Variants in GRIP2 observed in about 807,000 individuals in gnomAD.
GRIP2 encodes the protein glutamate receptor-interacting protein 2.
A neutral mutation model predicts 108.3 loss-of-function variants in GRIP2; 58 were observed. The observed-to-expected ratio is 0.54, with a 90% CI of 0.43 to 0.67. The LOEUF is 0.67. Ranked by LOEUF, GRIP2 falls within the 30% of genes least tolerant of loss-of-function variation. The pLI is 0.00. For missense variants in GRIP2, 1,278 were observed against 1,430.6 expected (o/e 0.89, Z 1.72); for synonymous variants, 586 against 598.2 (o/e 0.98, Z 0.30).
At chr3:14,576,017 G>C in the GRIP2 span, among the ~76,000 whole-genome samples, 1 of 152,246 alleles carries the variant, frequency 6.6e-6, no homozygotes, top group African/African-American at 2.4e-5. Context: ...GCCAGTGCTG[G>C]AAATGGGAGG....
intron 1 of GRIP2, among the ~76,000 whole-genome samples, chr3:14,533,243 G>A (rs953100513): frequency 6.6e-6 from 1 of 152,224 alleles, no homozygotes; most frequent in Non-Finnish European, 1.5e-5. Flanking sequence ...TCTATCAACT[G>A]TGTGACAGTG....
chr3:14,492,409 T>A lies in GRIP2; in HGVS notation c.*1256A>T, dbSNP rs1022724261. 3 of 152,266 alleles carry A rather than the reference T, an allele frequency of 2.0e-5. No homozygotes were observed. Among genetic ancestry groups the A allele is most frequent in the Admixed American group, 6.5e-5 (1 of 15,282 alleles). The allele number at this position is 152,266 out of a possible 1,614,324, so 9.4% of individuals were successfully genotyped here. On this transcript the variant is annotated 3_prime_UTR_variant, in exon 24 of 24. Coordinates refer to ENST00000621039, the MANE Select transcript of GRIP2 (RefSeq NM_001080423.4). The stretch of plus-strand genomic sequence containing the variant: ...CCGCCCACTCCATCCCAGGCACCAC[T>A]CACTAGACCACCAGGGGAGGCCCAC...
At chr3:14,582,988 A>G in the GRIP2 span, among the ~76,000 whole-genome samples, 2 of 152,198 alleles carry the variant, frequency 1.3e-5, no homozygotes, top group Non-Finnish European at 2.9e-5. Flanking sequence ...AAGTCTTAAC[A>G]ACAACCCTGT....
the GRIP2 span, among the ~76,000 whole-genome samples, chr3:14,571,515 A>G: frequency 6.6e-6 from 1 of 151,992 alleles, no homozygotes; most frequent in Non-Finnish European, 1.5e-5. Flanking sequence ...ACACCGGGGC[A>G]CAGACAAGAT....
chr3:14,515,901 G>C (rs939771482), intron 11 of GRIP2, among the ~76,000 whole-genome samples: 1 of 152,098 alleles, frequency 6.6e-6, no homozygotes, highest in Non-Finnish European at 1.5e-5. Flanking sequence ...AAAGTGTGGG[G>C]ATTACAGGCG....
At chr3:14,588,995 G>T in the GRIP2 span, among the ~76,000 whole-genome samples, 6 of 152,206 alleles carry the variant, frequency 3.9e-5, no homozygotes, top group Non-Finnish European at 8.8e-5. Flanking sequence ...CTGAGCAGAG[G>T]CCTGGGGCTG....
At position 14,540,323 on chromosome 3, in the gene GRIP2, C is replaced by G; in HGVS notation, c.-15G>C. The G allele has an allele frequency of 6.2e-7, 1 of 1,613,544 alleles. No individual in the cohort carries two copies. The highest frequency in any genetic ancestry group is 8.5e-7 in the Non-Finnish European group (1 of 1,179,712). On this transcript the variant is annotated 5_prime_UTR_variant, in exon 1 of 24. Coordinates refer to ENST00000621039, the MANE Select transcript of GRIP2 (RefSeq NM_001080423.4). The surrounding 1 kb of genome is among the most constrained non-coding windows in gnomAD (Gnocchi z 4.1). Reference sequence around the variant, plus strand: ...CCACACAGCATGTTCGCTATTGTCTCCCCTGCTGCCCACCAACTCCCTCGG... The same window carrying G: ...CCACACAGCATGTTCGCTATTGTCTGCCCTGCTGCCCACCAACTCCCTCGG...
At position 14,509,944 on chromosome 3, in the gene GRIP2, C is replaced by A; in HGVS notation, c.1954G>T (p.Ala652Ser). 1.3e-6 allele frequency: 2 copies of A among 1,527,238 alleles called. No homozygotes were observed. The highest frequency in any genetic ancestry group is 1.3e-5 in the South Asian group (1 of 77,274). 94.6% of individuals were successfully genotyped at this position (1,527,238 alleles called of 1,614,324 possible). The change falls in exon 17 of 24, where the codon GCC (alanine) becomes TCC (serine). Residue 652 changes from alanine to serine, a missense_variant. Ala to Ser is a moderately conservative substitution (Grantham distance 99). Transcript: ENST00000621039. ...DNSDELETTG[A>S]VSYTVELKRY... ...TTCAGCTCCACTGTGTAACTGACGGCACCTGTGGTCTCCAGCTCATCTGCA... is the reference window on the plus strand; with the variant it reads ...TTCAGCTCCACTGTGTAACTGACGGAACCTGTGGTCTCCAGCTCATCTGCA...
rs1694651485 is a variant in GRIP2 at position 14,529,364 on chromosome 3, C to A, written c.41-3433G>T. ...CAGGTAGTTTTAACAATCATTAACA[C>A]TTTGCAGTATTTAGCCCATTTATTT... On this transcript the variant is annotated intron_variant, in intron 1 of 23. Transcript: ENST00000621039. Among the ~76,000 whole-genome samples, 3 of 151,398 alleles carry A rather than the reference C, an allele frequency of 2.0e-5. No individual in the cohort carries two copies. The South Asian group carries it at 6.2e-4, about 31-fold the overall frequency.
rs1412121796 is a variant in GRIP2, at chr3:14,522,326, G to T, written c.567-539C>A. The T allele has an allele frequency of 6.5e-6, 1 of 153,018 alleles. No individual in the cohort carries two copies. Among genetic ancestry groups the T allele is most frequent in the Non-Finnish European group, 1.5e-5 (1 of 68,812 alleles). 9.5% of individuals were successfully genotyped at this position (153,018 alleles called of 1,614,324 possible). On this transcript the variant is annotated intron_variant, in intron 6 of 23. Transcript: ENST00000621039. The surrounding 1 kb of genome is among the most constrained non-coding windows in gnomAD (Gnocchi z 4.3). ...GGGCCAGGGGAGGGGCCCCAGCAGG[G>T]TTCACCTCGGTTTGGGTCGCATCCC...
At chr3:14,541,028 C>T (rs1185718352), upstream of GRIP2, among the ~76,000 whole-genome samples, 2 of 152,242 alleles carry the variant, frequency 1.3e-5, no homozygotes, top group Non-Finnish European at 2.9e-5. Flanking sequence ...ATAGGCAGGG[C>T]CAGTTGGTCA....
At chr3:14,601,150 G>A in the GRIP2 span, among the ~76,000 whole-genome samples, 2 of 151,978 alleles carry the variant, frequency 1.3e-5, no homozygotes, top group African/African-American at 2.4e-5. Flanking sequence ...TCCCTCTCAG[G>A]ACATTACAGC....
the GRIP2 span, chr3:14,572,776 C>G: frequency 1.6e-6 from 1 of 609,278 alleles, no homozygotes; most frequent in South Asian, 1.9e-5. Flanking sequence ...TCCTGGTAAG[C>G]CTGTGAGGCT....
chr3:14,586,621 G>GAAT, the GRIP2 span, among the ~76,000 whole-genome samples: 1 of 152,208 alleles, frequency 6.6e-6, no homozygotes, highest in Admixed American at 6.5e-5. Flanking sequence ...AGAACATGAG[G>GAAT]AATAGCCATA....
At chr3:14,510,637 C>T (rs758263910) in intron 16 of GRIP2, among the ~76,000 whole-genome samples, 4 of 152,144 alleles carry the variant, frequency 2.6e-5, no homozygotes, top group Non-Finnish European at 4.4e-5. Flanking sequence ...TTCACAGAGT[C>T]GGAGTTGGTG....
upstream of GRIP2, among the ~76,000 whole-genome samples, chr3:14,544,749 C>A (rs1489745795): frequency 6.6e-6 from 1 of 152,236 alleles, no homozygotes; most frequent in Non-Finnish European, 1.5e-5. Context: ...TCAGAACCTG[C>A]ATCTTGTTGT....
At position 14,540,241 on chromosome 3, in the gene GRIP2, C is replaced by T. The variant is rs1694933073; in HGVS notation, c.40+28G>A. On this transcript the variant is annotated intron_variant, in intron 1 of 23. Transcript: ENST00000621039. This position sits in a 1 kb window ranked among gnomAD's most constrained non-coding sequence, Gnocchi z 4.1. Reference sequence around the variant, plus strand: ...GGGATCTATGTGTTCAGCCCCATCACTCTGCCCACAGACCCCCCATTACGT... The same window carrying T: ...GGGATCTATGTGTTCAGCCCCATCATTCTGCCCACAGACCCCCCATTACGT... The T allele has an allele frequency of 6.2e-7, 1 of 1,612,176 alleles. No individual in the cohort carries two copies. The highest frequency in any genetic ancestry group is 8.5e-7 in the Non-Finnish European group (1 of 1,178,966).
At chr3:14,498,094 A>C (rs1196527203) in intron 21 of GRIP2, among the ~76,000 whole-genome samples, 1 of 152,184 alleles carries the variant, frequency 6.6e-6, no homozygotes, top group African/African-American at 2.4e-5. Flanking sequence ...CTATTAGTGC[A>C]TAGTTCTATC....
At chr3:14,527,418 G>GGAAAGGAAAGGAAAGAAGGAAA (rs1694590063) in intron 1 of GRIP2, among the ~76,000 whole-genome samples, 1 of 57,316 alleles carries the variant, frequency 1.7e-5, no homozygotes, top group Non-Finnish European at 5.0e-5. Context: ...AGGAAAGCGA[G>GGAAAGGAAAGGAAAGAAGGAAA]GGGAGGGGAG....
Sources: gnomAD v4.1 joint callset for allele counts (sites outside exome capture counted in the v4.1 genomes callset) on GRCh38, gnomAD v4.1.1 for gene constraint, Gnocchi (gnomAD v3.1) non-coding constraint, MANE v1.5 for transcripts, NCBI Gene and HGNC (gene_info 2026-07-23, HGNC 2026-07-21) for gene names.